Variants in NRTN observed in about 807,000 individuals in gnomAD.
NRTN encodes neurturin, also known as prepro-neurturin.
A neutral mutation model predicts 7.5 loss-of-function variants in NRTN; 3 were observed. The ratio of observed to expected loss-of-function variants is 0.40; its 90% CI spans 0.18 to 1.03. The LOEUF is 1.03. Ranked by LOEUF, NRTN falls within the 50% of genes least tolerant of loss-of-function variation. NRTN has a pLI of 0.34. For synonymous variants in NRTN, 157 were observed against 146.6 expected (o/e 1.07, Z -0.51); for missense variants, 310 against 307.0 (o/e 1.01, Z -0.07).
intron 1 of NRTN, among the ~76,000 whole-genome samples, chr19:5,812,117 C>T (rs571782516): frequency 1.5e-4 from 23 of 151,434 alleles, no homozygotes; most frequent in Admixed American, 5.3e-4. Flanking sequence ...GTGATCCACC[C>T]GCCTCGGCCT....
chr19:5,827,902 T>TC lies in NRTN; in HGVS notation c.323_324insC (p.Glu109GlyfsTer131). On this transcript the variant is annotated frameshift_variant, in exon 3 of 3. Coordinates refer to ENST00000303212, the MANE Select transcript of NRTN (RefSeq NM_004558.5). LOFTEE classifies it low-confidence loss of function (END_TRUNC). ...GCGCGGCCTTGCGGGCTGCGCGAGC[T>TC]GGAGGTGCGCGTGAGCGAGCTGGGC... The TC allele has an allele frequency of 7.0e-7, 1 of 1,435,160 alleles. No homozygotes were observed. The highest frequency in any genetic ancestry group is 9.1e-7 in the Non-Finnish European group (1 of 1,093,322). 88.9% of individuals were successfully genotyped at this position (1,435,160 alleles called of 1,614,324 possible).
chr19:5,823,695 C>T (rs1038700561), intron 1 of NRTN, 73 bp from the exon 2 acceptor site: 2 of 287,964 alleles, frequency 6.9e-6, no homozygotes, highest in Admixed American at 9.6e-5. Context: ...CCACCCTCCC[C>T]GCGCCTTTGT....
intron 2 of NRTN, among the ~76,000 whole-genome samples, chr19:5,825,543 C>T (rs751778902): frequency 1.8e-4 from 28 of 152,246 alleles, no homozygotes; most frequent in Non-Finnish European, 8.8e-5. Flanking sequence ...CTGCAAGCGG[C>T]GTGAAGTCCT....
intron 1 of NRTN, among the ~76,000 whole-genome samples, chr19:5,811,743 G>A (rs1407205579): frequency 6.7e-6 from 1 of 150,322 alleles, no homozygotes; most frequent in Non-Finnish European, 1.5e-5. Context: ...TAGAGATGGA[G>A]TTTCACCATG....
At chr19:5,825,808 G>C (rs891701762) in intron 2 of NRTN, among the ~76,000 whole-genome samples, 1 of 152,200 alleles carries the variant, frequency 6.6e-6, no homozygotes, top group East Asian at 1.9e-4. Context: ...AGCCAGCCCC[G>C]CTGCAGGGAG....
intron 1 of NRTN, among the ~76,000 whole-genome samples, chr19:5,822,144 G>A (rs2057027058): frequency 6.6e-6 from 1 of 152,282 alleles, no homozygotes; most frequent in African/African-American, 2.4e-5. Flanking sequence ...GAGTGGGGTG[G>A]GGAAGGGGTG....
chr19:5,810,446 G>A (rs1356296467), intron 1 of NRTN, among the ~76,000 whole-genome samples: 1 of 151,818 alleles, frequency 6.6e-6, no homozygotes, highest in Non-Finnish European at 1.5e-5. Context: ...CCTTGAATAA[G>A]TCACTTAACT....
rs550114536 is a variant in NRTN, at chr19:5,811,716, T to G, written c.-399+6265T>G. 1.1e-4 allele frequency among the ~76,000 whole-genome samples: 17 copies of G among 151,186 alleles called. No homozygotes were observed. The East Asian group carries it at 1.7e-3, about 15-fold the overall frequency. ...CCCGGCTAATTTGTTTTTTGTTTTT[T>G]TTTTTTGTATTTTCAGTAGAGATGG... On this transcript the variant is annotated intron_variant, in intron 1 of 2. Coordinates refer to ENST00000303212, the MANE Select transcript of NRTN (RefSeq NM_004558.5).
In NRTN at chr19:5,821,522, T is replaced by C. The variant is rs545278780; in HGVS notation, c.-398-2246T>C. On this transcript the variant is annotated intron_variant, in intron 1 of 2. Coordinates refer to ENST00000303212, the MANE Select transcript of NRTN (RefSeq NM_004558.5). ...TTCACCATATTGGCCAGACTGGTCT[T>C]GAACACCTGACCTCAGGTGATCTGC... Among the ~76,000 whole-genome samples, 29 of 152,144 alleles carry C rather than the reference T, an allele frequency of 1.9e-4. No individual in the cohort carries two copies. In the South Asian group the frequency reaches 5.8e-3, roughly 30 times the overall value.
chr19:5,824,693 G>A (rs1479918815), intron 2 of NRTN, among the ~76,000 whole-genome samples: 1 of 152,128 alleles, frequency 6.6e-6, no homozygotes, highest in Non-Finnish European at 1.5e-5. Flanking sequence ...GAGGTGGGAG[G>A]ATCACTTGAG....
At chr19:5,818,271 G>A (rs1219777985) in intron 1 of NRTN, among the ~76,000 whole-genome samples, 1 of 152,126 alleles carries the variant, frequency 6.6e-6, no homozygotes, top group African/African-American at 2.4e-5. Context: ...GCCAAATGTG[G>A]GAGCGTTTGA....
chr19:5,810,927 CAAAAA>C (rs58641753), intron 1 of NRTN, among the ~76,000 whole-genome samples: 1 of 136,424 alleles, frequency 7.3e-6, no homozygotes, highest in Non-Finnish European at 1.6e-5. Context: ...GACTCCATCT[CAAAAA>C]AAAAAAAGAA....
chr19:5,805,943 C>A (rs2056974030), intron 1 of NRTN, among the ~76,000 whole-genome samples: 1 of 151,968 alleles, frequency 6.6e-6, no homozygotes, highest in Non-Finnish European at 1.5e-5. Flanking sequence ...TCCCTGCTCG[C>A]CGCCGCCGCC....
At chr19:5,820,288 C>T (rs1292987220) in intron 1 of NRTN, among the ~76,000 whole-genome samples, 3 of 125,884 alleles carry the variant, frequency 2.4e-5, no homozygotes, top group African/African-American at 3.3e-5. Context: ...AAAAAATTGC[C>T]GGGCACGGTG....
intron 1 of NRTN, among the ~76,000 whole-genome samples, chr19:5,807,749 G>A (rs552076122): frequency 6.6e-6 from 1 of 152,274 alleles, no homozygotes; most frequent in Non-Finnish European, 1.5e-5. Context: ...AAATAGCGCA[G>A]TGTGTCAGGA....
chr19:5,815,599 C>T (rs1442009239), intron 1 of NRTN, among the ~76,000 whole-genome samples: 1 of 151,824 alleles, frequency 6.6e-6, no homozygotes, highest in Non-Finnish European at 1.5e-5. Context: ...CCACACCCGG[C>T]TAATTTTTGT....
At chr19:5,826,521 C>A (rs948121202) in intron 2 of NRTN, among the ~76,000 whole-genome samples, 5 of 152,214 alleles carry the variant, frequency 3.3e-5, no homozygotes, top group Admixed American at 1.3e-4. Context: ...TCTCCTCCCC[C>A]ACCAAACCCC....
At chr19:5,821,071 T>C (rs546538926) in intron 1 of NRTN, among the ~76,000 whole-genome samples, 20 of 152,340 alleles carry the variant, frequency 1.3e-4, no homozygotes, top group Admixed American at 3.3e-4. Flanking sequence ...ACTTGGGTCT[T>C]AGTGCATGCA....
intron 1 of NRTN, among the ~76,000 whole-genome samples, chr19:5,820,879 A>G (rs1267020801): frequency 6.6e-6 from 1 of 151,796 alleles, no homozygotes; most frequent in Non-Finnish European, 1.5e-5. Context: ...GCCCTGCACG[A>G]GCTGCTTCAT....
Sources: allele counts gnomAD v4.1 joint callset (sites outside exome capture counted in the v4.1 genomes callset), GRCh38; gene constraint gnomAD v4.1.1; transcripts MANE v1.5; gene names NCBI Gene and HGNC (gene_info 2026-07-23, HGNC 2026-07-21).